ECT2L: variants seen among roughly 807,000 people sequenced by gnomAD.
ECT2L encodes the protein epithelial cell transforming 2 like, also known as epithelial cell-transforming sequence 2 oncogene-like.
Under a neutral mutation model 122.8 loss-of-function variants are expected in ECT2L, and 126 were observed. The observed-to-expected ratio is 1.03, with a 90% confidence interval of 0.89 to 1.19. ECT2L has a LOEUF of 1.19. ECT2L is among the 50% of genes most tolerant of loss of function. ECT2L has a pLI of 0.00. For missense variants in ECT2L, 1,012 were observed against 1,064.1 expected, an observed-to-expected ratio of 0.95 and a Z score of 0.68; for synonymous variants, 385 against 381.8, an observed-to-expected ratio of 1.01 and a Z score of -0.10.
In ECT2L at chr6:138,838,478, C is replaced by T; in HGVS notation, c.306C>T (p.Ala102=). The change falls in exon 5 of 22, where the codon GCC becomes GCT. Residue 102 remains alanine, a synonymous_variant. Coordinates refer to ENST00000541398, the MANE Select transcript of ECT2L (RefSeq NM_001077706.3). Reference sequence around the variant, plus strand: ...GTCCGAAAGATTTGTGTGCCGCTGCCCAAGTCAGCTGGCCCTGGAAGTTTT... The same window carrying T: ...GTCCGAAAGATTTGTGTGCCGCTGCTCAAGTCAGCTGGCCCTGGAAGTTTT... ...FLSPKDLCAA[A]QVSWPWKFLT... 2 of 1,612,580 alleles carry T rather than the reference C, an allele frequency of 1.2e-6. No individual in the cohort carries two copies. Among genetic ancestry groups the T allele is most frequent in the East Asian group, 2.2e-5 (1 of 44,860 alleles).
chr6:138,881,551 ATAT>A (rs1778647417), intron 15 of ECT2L, among the ~76,000 whole-genome samples: 1 of 151,608 alleles, frequency 6.6e-6, no homozygotes, highest in Non-Finnish European at 1.5e-5. Context: ...TATTTCTATT[ATAT>A]TATAATATAT....
chr6:138,809,925 A>C (rs9373223), intron 1 of ECT2L, among the ~76,000 whole-genome samples: 38,567 of 152,094 alleles, frequency 0.25, 5,191 homozygotes, highest in East Asian at 0.41. Context: ...GTCTGACAGC[A>C]TGAAATTGTT....
chr6:138,853,931 T>G, intron 9 of ECT2L, 95 bp from the exon 10 acceptor site: 10 of 1,403,464 alleles, frequency 7.1e-6, no homozygotes, highest in African/African-American at 4.3e-5. Context: ...GCAGATGGCA[T>G]TTTGATTTTG....
At position 138,901,077 on chromosome 6, in the gene ECT2L, G is replaced by T. The variant is rs1294242172; in HGVS notation, c.2544G>T (p.Val848=). 1 of 1,613,934 alleles carries T rather than the reference G, an allele frequency of 6.2e-7. No homozygotes were observed. The highest frequency in any genetic ancestry group is 1.3e-5 in the African/African-American group (1 of 74,872). The change falls in exon 21 of 22, where the codon GTG becomes GTT. Residue 848 remains valine (V), a synonymous_variant. Coordinates refer to ENST00000541398, the MANE Select transcript of ECT2L (RefSeq NM_001077706.3). ...SKTTYQFIAS[V]ALHRLLIENI... ...CAACCTACCAGTTCATTGCATCAGT[G>T]GCCCTTCATCGGTTACTCATAGAAA... is the stretch of plus-strand genomic sequence containing the variant.
intron 10 of ECT2L, among the ~76,000 whole-genome samples, chr6:138,859,881 C>G (rs1777760378): frequency 6.6e-6 from 1 of 151,190 alleles, no homozygotes; most frequent in South Asian, 2.1e-4. Flanking sequence ...ATGGCGCGAT[C>G]TCGGCTCACT....
chr6:138,890,066 GGT>G (rs1778964670), intron 20 of ECT2L, among the ~76,000 whole-genome samples: 1 of 152,078 alleles, frequency 6.6e-6, no homozygotes, highest in South Asian at 2.1e-4. Flanking sequence ...TACAAGAACA[GGT>G]GTGGGCCATA....
At chr6:138,858,092 G>A (rs1777684888) in intron 10 of ECT2L, among the ~76,000 whole-genome samples, 4 of 152,108 alleles carry the variant, frequency 2.6e-5, no homozygotes, top group South Asian at 4.1e-4. Context: ...CCCTTCACAC[G>A]TGAGGATTAT....
Position 138,901,026 on chromosome 6 carries a change from C to T in ECT2L, c.2493C>T (p.His831=), listed in dbSNP as rs1779378363. The T allele has an allele frequency of 1.9e-6, 3 of 1,614,204 alleles. No individual in the cohort carries two copies. The highest frequency in any genetic ancestry group is 2.5e-6 in the Non-Finnish European group (3 of 1,180,032). Residue 831 remains histidine (H), a synonymous_variant, in exon 21 of 22, where the codon CAC becomes CAT. Transcript: ENST00000541398. ...ALLVSSRGTS[H]TPFERTSKTT... is the part of the protein sequence containing the mutation. ...TCGTTTCTAGTCGGGGCACATCTCA[C>T]ACTCCATTTGAGAGGACTTCAAAAA...
intron 9 of ECT2L, 139 bp downstream of exon 9, chr6:138,849,573 C>CTTT (rs761157171): frequency 2.2e-5 from 11 of 509,914 alleles, no homozygotes; most frequent in South Asian, 5.5e-5. Flanking sequence ...AAAAGCGAAG[C>CTTT]TTTTTTTTTT....
chr6:138,840,287 T>C (rs1328930177), intron 5 of ECT2L, among the ~76,000 whole-genome samples: 1 of 152,138 alleles, frequency 6.6e-6, no homozygotes, highest in Non-Finnish European at 1.5e-5. Context: ...ACCCACGCAG[T>C]TCAAACCCAA....
chr6:138,845,045 C>T (rs1463323465), intron 7 of ECT2L, among the ~76,000 whole-genome samples: 1 of 151,892 alleles, frequency 6.6e-6, no homozygotes, highest in African/African-American at 2.4e-5. Context: ...TAAGAGTATC[C>T]AAATGGTATC....
At chr6:138,801,509 T>A (rs1775541595) in intron 1 of ECT2L, among the ~76,000 whole-genome samples, 1 of 152,166 alleles carries the variant, frequency 6.6e-6, no homozygotes, top group Non-Finnish European at 1.5e-5. Context: ...CCCAGCACTT[T>A]GGGAGGCTGA....
intron 19 of ECT2L, 147 bp downstream of exon 19, chr6:138,887,069 A>C: frequency 1.4e-6 from 1 of 692,166 alleles, no homozygotes; most frequent in Non-Finnish European, 2.5e-6. Context: ...CCCATTTCAC[A>C]TCCTTGTTAC....
At chr6:138,874,694 G>A (rs985958896) in intron 13 of ECT2L, among the ~76,000 whole-genome samples, 9 of 152,168 alleles carry the variant, frequency 5.9e-5, no homozygotes, top group South Asian at 2.1e-4. Flanking sequence ...TTATCTGTGA[G>A]ATCCACAATA....
intron 13 of ECT2L, among the ~76,000 whole-genome samples, chr6:138,874,870 G>A (rs531332337): frequency 2.6e-4 from 39 of 152,108 alleles, no homozygotes; most frequent in Non-Finnish European, 4.9e-4. Context: ...AAGGCAGGAG[G>A]AACACTTGAA....
In ECT2L at chr6:138,902,498, A is replaced by T. The variant is rs200545869; in HGVS notation, c.2588-2A>T. On this transcript the variant is annotated splice_acceptor_variant, in intron 21 of 21. Coordinates refer to ENST00000541398, the MANE Select transcript of ECT2L (RefSeq NM_001077706.3). LOFTEE classifies it high-confidence loss of function. ...ATTAGTATACCTCAAATGCTTTTAC[A>T]GATGTCAAGAATGCATTTATTCTTC... 4.6e-4 allele frequency: 741 copies of T among 1,611,764 alleles called. No individual in the cohort carries two copies. Among genetic ancestry groups the T allele is most frequent in the Non-Finnish European group, 6.0e-4 (712 of 1,178,796 alleles).
At chr6:138,830,963 C>G (rs1215463373) in intron 4 of ECT2L, among the ~76,000 whole-genome samples, 1 of 152,208 alleles carries the variant, frequency 6.6e-6, no homozygotes, top group African/African-American at 2.4e-5. Flanking sequence ...CAGCTGCTTA[C>G]TTGATATTTA....
chr6:138,885,537 T>G lies in ECT2L; in HGVS notation c.2060T>G (p.Phe687Cys), dbSNP rs182370964. The G allele has an allele frequency of 1.2e-6, 2 of 1,614,092 alleles. No homozygotes were observed. The highest frequency in any genetic ancestry group is 2.7e-5 in the African/African-American group (2 of 74,944). The change falls in exon 17 of 22, where the codon TTC (phenylalanine) becomes TGC (cysteine). Residue 687 changes from phenylalanine to cysteine, a missense_variant. By Grantham distance (205) the Phe-to-Cys change is radical. Transcript: ENST00000541398. ...CREMIPAFRT[F>C]LKRHDKTIVT... ...GAAATGATACCAGCATTCCGAACTT[T>G]CCTGAAGAGGCATGATAAGACCATT...
chr6:138,824,538 C>CA (rs1456788546), intron 4 of ECT2L, among the ~76,000 whole-genome samples: 936 of 56,160 alleles, frequency 0.017, 13 homozygotes, highest in African/African-American at 0.057. Flanking sequence ...TCCAAAAAAG[C>CA]AATAAAAAAA....
Sources: allele counts gnomAD v4.1 joint callset (sites outside exome capture counted in the v4.1 genomes callset), GRCh38; gene constraint gnomAD v4.1.1; transcripts MANE v1.5; gene names NCBI Gene and HGNC (gene_info 2026-07-23, HGNC 2026-07-21).